SCFD2: variants seen among roughly 807,000 people sequenced by gnomAD.
The protein encoded by SCFD2 is sec1 family domain-containing protein 2.
A neutral mutation model predicts 58.9 loss-of-function variants in SCFD2; 54 were observed. That is an observed-to-expected ratio of 0.92 (90% CI 0.74 to 1.15). SCFD2 has a LOEUF of 1.15. Ranked by LOEUF, SCFD2 falls within the 50% of genes most tolerant of loss-of-function variation. The pLI is 0.00. For synonymous variants in SCFD2, 321 were observed against 335.9 expected, an observed-to-expected ratio of 0.96 and a Z score of 0.49; for missense variants, 805 against 836.6, an observed-to-expected ratio of 0.96 and a Z score of 0.47.
At chr4:53,027,166 T>C (rs1319088183) in intron 5 of SCFD2, among the ~76,000 whole-genome samples, 1 of 152,160 alleles carries the variant, frequency 6.6e-6, no homozygotes, top group African/African-American at 2.4e-5. Flanking sequence ...AAACACATCC[T>C]CTCAGCTTAC....
intron 4 of SCFD2, among the ~76,000 whole-genome samples, chr4:53,172,429 T>C (rs1290307086): frequency 6.6e-6 from 1 of 152,236 alleles, no homozygotes; most frequent in East Asian, 1.9e-4. Context: ...GATAAAACAT[T>C]AGGTTGTTTA....
intron 4 of SCFD2, among the ~76,000 whole-genome samples, chr4:53,225,926 T>C (rs1460965386): frequency 6.6e-6 from 1 of 152,208 alleles, no homozygotes; most frequent in Non-Finnish European, 1.5e-5. Context: ...TTTACCAATA[T>C]TTTCCGGTAG....
rs1725349822 is a variant in SCFD2, at chr4:53,117,227, C to A, written c.1561+28106G>T. ...TAGCACAAGAGGGGCCACATTTTAA[C>A]CTACCACTTCCTGTGATCTGTCTTA... is the stretch of plus-strand genomic sequence containing the variant. On this transcript the variant is annotated intron_variant, in intron 5 of 8. Transcript: ENST00000401642. Among the ~76,000 whole-genome samples the A allele has an allele frequency of 2.6e-5, 4 of 152,252 alleles. No homozygotes were observed. In the South Asian group the frequency reaches 6.2e-4, roughly 24 times the overall value.
intron 5 of SCFD2, among the ~76,000 whole-genome samples, chr4:53,118,820 T>C (rs563689644): frequency 4.6e-5 from 7 of 152,164 alleles, no homozygotes; most frequent in African/African-American, 1.7e-4. Context: ...CTATTCCCTC[T>C]TATAATCTAC....
chr4:52,948,538 C>T (rs1262786501), intron 5 of SCFD2: 1 of 456,462 alleles, frequency 2.2e-6, no homozygotes, highest in South Asian at 1.6e-5. Context: ...TTAATCTGTA[C>T]AGAACTAAAC....
chr4:53,327,563 C>A (rs1172876641), intron 2 of SCFD2, among the ~76,000 whole-genome samples: 9 of 152,220 alleles, frequency 5.9e-5, no homozygotes, highest in Admixed American at 5.2e-4. Flanking sequence ...AGTCTCCATG[C>A]AGAGCATGGG....
chr4:52,894,145 G>T (rs1201234505), intron 7 of SCFD2, among the ~76,000 whole-genome samples: 2 of 152,092 alleles, frequency 1.3e-5, no homozygotes, highest in African/African-American at 4.8e-5. Context: ...GGGACCCAGA[G>T]GTAAGCACTG....
At chr4:53,145,945 A>C (rs1170508693) in intron 4 of SCFD2, among the ~76,000 whole-genome samples, 7 of 152,234 alleles carry the variant, frequency 4.6e-5, no homozygotes, top group Admixed American at 6.5e-5. Context: ...CAAAAAAACA[A>C]AAATGGCAGC....
At chr4:53,184,277 A>C (rs1467792182) in intron 4 of SCFD2, among the ~76,000 whole-genome samples, 1 of 152,098 alleles carries the variant, frequency 6.6e-6, no homozygotes, top group Non-Finnish European at 1.5e-5. Flanking sequence ...CCTGGAAGTG[A>C]GATCTTGCCA....
chr4:53,029,746 A>T (rs1722569413), intron 5 of SCFD2, among the ~76,000 whole-genome samples: 1 of 152,248 alleles, frequency 6.6e-6, no homozygotes, highest in South Asian at 2.1e-4. Flanking sequence ...TAATCTTTTC[A>T]ATAAATGGTA....
At chr4:53,334,440 T>C (rs1216453237) in intron 2 of SCFD2, among the ~76,000 whole-genome samples, 2 of 151,716 alleles carry the variant, frequency 1.3e-5, no homozygotes, top group African/African-American at 2.4e-5. Flanking sequence ...GATGAGTTCA[T>C]GTCCTTTGTA....
At chr4:53,260,508 C>T (rs1338992750) in intron 4 of SCFD2, among the ~76,000 whole-genome samples, 1 of 152,084 alleles carries the variant, frequency 6.6e-6, no homozygotes, top group Non-Finnish European at 1.5e-5. Flanking sequence ...GTTTTTAATT[C>T]TGTTTATGTG....
chr4:52,879,058 C>CT (rs1718544527), intron 8 of SCFD2, among the ~76,000 whole-genome samples: 1 of 152,142 alleles, frequency 6.6e-6, no homozygotes, highest in Non-Finnish European at 1.5e-5. Context: ...GCCTGAGTGT[C>CT]ATTCAGGGCT....
intron 5 of SCFD2, among the ~76,000 whole-genome samples, chr4:53,137,993 C>T (rs538130491): frequency 3.3e-5 from 5 of 152,266 alleles, no homozygotes; most frequent in African/African-American, 1.2e-4. Flanking sequence ...TGCCTTTGTT[C>T]ATAAGAGTCT....
chr4:53,170,415 A>ATG (rs913246360), intron 4 of SCFD2, among the ~76,000 whole-genome samples: 11 of 152,206 alleles, frequency 7.2e-5, no homozygotes, highest in Non-Finnish European at 1.0e-4. Flanking sequence ...GGCCAGTATC[A>ATG]TGCTATTGTA....
chr4:53,093,501 T>C (rs890188139), intron 5 of SCFD2, among the ~76,000 whole-genome samples: 1 of 152,176 alleles, frequency 6.6e-6, no homozygotes, highest in East Asian at 1.9e-4. Context: ...ATCCTACAGA[T>C]GTACTCACAC....
chr4:53,366,033 A>T lies in SCFD2; in HGVS notation c.-92T>A. ...AAATTGGGCTCCGGGAGACTTTGAC[A>T]GTCTCCACAGTACACGTGGTCGGCC... On this transcript the variant is annotated 5_prime_UTR_variant, in exon 1 of 9. Coordinates refer to ENST00000401642, the MANE Select transcript of SCFD2 (RefSeq NM_152540.4). 7.0e-7 allele frequency: 1 copy of T among 1,421,438 alleles called. No homozygotes were observed. The highest frequency in any genetic ancestry group is 1.4e-5 in the African/African-American group (1 of 70,160). The allele number at this position is 1,421,438 out of a possible 1,614,324, so 88.1% of individuals were successfully genotyped here. A position where few individuals can be genotyped will look rare whatever the true frequency, so the allele number is the denominator to read the frequency against.
At chr4:53,001,536 C>T (rs1218919332) in intron 5 of SCFD2, among the ~76,000 whole-genome samples, 1 of 152,162 alleles carries the variant, frequency 6.6e-6, no homozygotes, top group Non-Finnish European at 1.5e-5. Flanking sequence ...GGCGACAATG[C>T]TTAGCTTTAT....
At chr4:53,181,840 C>A (rs1293253933) in intron 4 of SCFD2, among the ~76,000 whole-genome samples, 1 of 152,160 alleles carries the variant, frequency 6.6e-6, no homozygotes, top group Non-Finnish European at 1.5e-5. Flanking sequence ...GCAAAAATCA[C>A]AAGCATTCTT....
Sources: allele counts gnomAD v4.1 joint callset (sites outside exome capture counted in the v4.1 genomes callset), GRCh38; gene constraint gnomAD v4.1.1; transcripts MANE v1.5; gene names NCBI Gene and HGNC (gene_info 2026-07-23, HGNC 2026-07-21).